The following CALN1 variants were observed in gnomAD, a reference collection of about 807,000 sequenced individuals.
CALN1 encodes the protein calcium-binding protein 8.
A neutral mutation model predicts 30.6 loss-of-function variants in CALN1; 17 were observed. That is an observed-to-expected ratio of 0.56 (90% CI 0.38 to 0.83). CALN1 has a LOEUF of 0.83. CALN1 is among the 40% of genes least tolerant of loss of function. The probability of loss-of-function intolerance (pLI) is 0.00; values close to 1 mark genes in which losing one functional copy is unlikely to be tolerated. For synonymous variants in CALN1, 156 were observed against 131.4 expected, an observed-to-expected ratio of 1.19 and a Z score of -1.28; for missense variants, 291 against 354.9, an observed-to-expected ratio of 0.82 and a Z score of 1.45.
In CALN1 at chr7:71,933,637, T is replaced by C. The variant is rs543074818; in HGVS notation, c.501+90020A>G. On this transcript the variant is annotated intron_variant, in intron 5 of 6. Transcript: ENST00000395275. ...TGTGTGGGCAGGCACTTTGTCTTAC[T>C]CACCTCTGAATCCTTGGTGCCAGGC... Among the ~76,000 whole-genome samples the C allele has an allele frequency of 1.1e-4, 17 of 152,296 alleles. No homozygotes were observed. The East Asian group carries it at 2.1e-3, about 19-fold the overall frequency.
chr7:72,345,485 AAGGGAGAG>A (rs1230302226), intron 2 of CALN1, among the ~76,000 whole-genome samples: 5 of 144,594 alleles, frequency 3.5e-5, no homozygotes, highest in South Asian at 2.4e-4. Flanking sequence ...AAGGGAAGGG[AAGGGAGAG>A]AGGGAGAGAG....
intron 3 of CALN1, among the ~76,000 whole-genome samples, chr7:72,266,713 T>G (rs543150940): frequency 5.9e-5 from 9 of 152,324 alleles, no homozygotes; most frequent in Admixed American, 5.9e-4. Context: ...TACTCGGGTT[T>G]CTTTCTTGGC....
intron 2 of CALN1, among the ~76,000 whole-genome samples, chr7:72,321,031 C>T (rs1800842535): frequency 6.6e-6 from 1 of 152,004 alleles, no homozygotes; most frequent in Non-Finnish European, 1.5e-5. Context: ...TAACCTATGC[C>T]AAGTACTTAG....
intron 5 of CALN1, among the ~76,000 whole-genome samples, chr7:72,020,845 G>T (rs553641905): frequency 1.3e-5 from 2 of 152,202 alleles, no homozygotes; most frequent in Non-Finnish European, 2.9e-5. Flanking sequence ...AAGACAGGAG[G>T]AGTAGGAGTG....
intron 5 of CALN1, among the ~76,000 whole-genome samples, chr7:71,995,744 C>A (rs1264855945): frequency 6.6e-6 from 1 of 151,938 alleles, no homozygotes; most frequent in Non-Finnish European, 1.5e-5. Flanking sequence ...TATAACACGA[C>A]AGCCCCAGCA....
the CALN1 span, among the ~76,000 whole-genome samples, chr7:72,487,685 G>GGAAA: frequency 8.1e-3 from 803 of 98,988 alleles, 10 homozygotes; most frequent in Middle Eastern, 0.016. Flanking sequence ...AAGAAAGAAA[G>GGAAA]GAAAGAAAGA....
intron 2 of CALN1, among the ~76,000 whole-genome samples, chr7:72,327,445 C>T (rs949283510): frequency 3.9e-5 from 6 of 152,204 alleles, no homozygotes; most frequent in South Asian, 2.1e-4. Flanking sequence ...GCTGAGATCA[C>T]GGCACTGCAC....
chr7:72,375,358 T>G (rs1804494529), intron 2 of CALN1, among the ~76,000 whole-genome samples: 1 of 150,314 alleles, frequency 6.7e-6, no homozygotes, highest in Admixed American at 6.6e-5. Context: ...AGCCCAGGAG[T>G]TTGAGAACAG....
At chr7:71,958,680 A>G (rs1797091716) in intron 5 of CALN1, among the ~76,000 whole-genome samples, 1 of 152,210 alleles carries the variant, frequency 6.6e-6, no homozygotes, top group African/African-American at 2.4e-5. Context: ...AAAGAACAGG[A>G]CACACTTCCG....
chr7:72,358,594 A>C (rs534247334), intron 2 of CALN1, among the ~76,000 whole-genome samples: 1 of 152,234 alleles, frequency 6.6e-6, no homozygotes, highest in East Asian at 1.9e-4. Flanking sequence ...AGAGAGAAGA[A>C]AAGCGCAATT....
intron 3 of CALN1, among the ~76,000 whole-genome samples, chr7:72,272,927 G>A (rs1797090238): frequency 1.3e-5 from 2 of 151,932 alleles, no homozygotes; most frequent in South Asian, 4.2e-4. Flanking sequence ...AATGTTCCTA[G>A]GATGACCAAA....
chr7:71,976,294 A>G (rs1332990297), intron 5 of CALN1, among the ~76,000 whole-genome samples: 2 of 152,156 alleles, frequency 1.3e-5, no homozygotes, highest in Non-Finnish European at 2.9e-5. Context: ...ACTGAGAACC[A>G]GAGAGAAAGG....
intron 4 of CALN1, among the ~76,000 whole-genome samples, chr7:72,035,879 C>T (rs1801765245): frequency 6.6e-6 from 1 of 152,078 alleles, no homozygotes; most frequent in African/African-American, 2.4e-5. Flanking sequence ...AGTTACAAAC[C>T]AATGTTACAA....
intron 5 of CALN1, among the ~76,000 whole-genome samples, chr7:71,883,748 T>A (rs1792724935): frequency 6.6e-6 from 1 of 152,196 alleles, no homozygotes; most frequent in East Asian, 1.9e-4. Flanking sequence ...ACCTTACCCA[T>A]CCCTTCTGAA....
chr7:71,850,158 T>G lies in CALN1; in HGVS notation c.502-39666A>C, dbSNP rs560671057. Among the ~76,000 whole-genome samples the G allele has an allele frequency of 4.8e-4, 73 of 152,284 alleles. 1 individual carries two copies. Among genetic ancestry groups the G allele is most frequent in the African/African-American group, 1.7e-3 (71 of 41,566 alleles). On this transcript the variant is annotated intron_variant, in intron 5 of 6. Coordinates refer to ENST00000395275, the MANE Select transcript of CALN1 (RefSeq NM_031468.4). ...AAAAACTAAGGAAAATATCCTTACA[T>G]GGAATCTATGCCATATATCAAGAGA...
intron 2 of CALN1, among the ~76,000 whole-genome samples, chr7:72,401,036 G>T (rs182744709): frequency 3.7e-4 from 57 of 152,296 alleles, no homozygotes; most frequent in Admixed American, 3.7e-3. Context: ...TTTTGAGCAT[G>T]CTTTGGGGTG....
intron 3 of CALN1, among the ~76,000 whole-genome samples, chr7:72,277,075 G>A (rs896462892): frequency 6.6e-6 from 1 of 150,454 alleles, no homozygotes; most frequent in Non-Finnish European, 1.5e-5. Flanking sequence ...CTAGTCTATG[G>A]TGTTTTGTTA....
chr7:71,920,475 G>A (rs1224308777), intron 5 of CALN1, among the ~76,000 whole-genome samples: 1 of 151,270 alleles, frequency 6.6e-6, no homozygotes, highest in Non-Finnish European at 1.5e-5. Context: ...AGCTGAGACT[G>A]CAGGTGCCCT....
intron 1 of CALN1, among the ~76,000 whole-genome samples, chr7:72,411,306 A>G (rs1249273205): frequency 1.3e-5 from 2 of 152,226 alleles, no homozygotes; most frequent in African/African-American, 4.8e-5. Flanking sequence ...ATTTTGACTG[A>G]GCTTTCCACG....
Sources: allele counts gnomAD v4.1 joint callset (sites outside exome capture counted in the v4.1 genomes callset), GRCh38; gene constraint gnomAD v4.1.1; transcripts MANE v1.5; gene names NCBI Gene and HGNC (gene_info 2026-07-23, HGNC 2026-07-21).